The following PRKN variants were observed in gnomAD, a reference collection of about 807,000 sequenced individuals.
The protein encoded by PRKN is parkin RBR E3 ubiquitin protein ligase, also known as E3 ubiquitin-protein ligase parkin.
Under a neutral mutation model 59.5 loss-of-function variants are expected in PRKN, and 56 were observed. The observed-to-expected ratio is 0.94, with a 90% confidence interval of 0.76 to 1.18. The LOEUF is 1.18. PRKN is among the 50% of genes most tolerant of loss of function. The probability of loss-of-function intolerance (pLI) is 0.00; values close to 1 mark genes in which losing one functional copy is unlikely to be tolerated. For synonymous variants in PRKN, 250 were observed against 222.1 expected (o/e 1.13, Z -1.12); for missense variants, 657 against 596.4 (o/e 1.10, Z -1.06).
chr6:162,123,803 AT>A (rs1426414875), intron 4 of PRKN, among the ~76,000 whole-genome samples: 11 of 152,312 alleles, frequency 7.2e-5, no homozygotes, highest in African/African-American at 2.6e-4. Flanking sequence ...GTCAATATGA[AT>A]TACTTAACTA....
intron 1 of PRKN, among the ~76,000 whole-genome samples, chr6:162,465,891 C>T (rs1156688764): frequency 2.0e-5 from 3 of 152,164 alleles, no homozygotes; most frequent in Admixed American, 2.0e-4. Context: ...ACATCTCACA[C>T]TCTCATGCTA....
chr6:162,450,175 CA>C (rs1048689819), intron 1 of PRKN, among the ~76,000 whole-genome samples: 6 of 152,176 alleles, frequency 3.9e-5, no homozygotes, highest in African/African-American at 7.2e-5. Flanking sequence ...TTATCAGACT[CA>C]AAGTTGCTCA....
intron 9 of PRKN, among the ~76,000 whole-genome samples, chr6:161,516,204 T>G (rs951828795): frequency 6.6e-6 from 1 of 151,792 alleles, no homozygotes; most frequent in African/African-American, 2.4e-5. Context: ...TCCCAGCACT[T>G]TGGGAGGCTG....
At chr6:161,694,127 TAAC>T (rs917376152) in intron 7 of PRKN, among the ~76,000 whole-genome samples, 2 of 152,218 alleles carry the variant, frequency 1.3e-5, no homozygotes, top group African/African-American at 4.8e-5. Flanking sequence ...CCTTTGCATT[TAAC>T]AACAACACAA....
intron 1 of PRKN, among the ~76,000 whole-genome samples, chr6:162,626,517 C>G (rs1782902194): frequency 1.3e-5 from 2 of 152,012 alleles, no homozygotes; most frequent in Admixed American, 1.3e-4. Flanking sequence ...AAAAAACTAT[C>G]TGGATATGGT....
At chr6:162,354,918 G>T (rs1784782991) in intron 2 of PRKN, among the ~76,000 whole-genome samples, 1 of 150,576 alleles carries the variant, frequency 6.6e-6, no homozygotes. Flanking sequence ...CATATGAAAG[G>T]TTTTTTTTTA....
intron 7 of PRKN, among the ~76,000 whole-genome samples, chr6:161,753,282 G>A (rs541861947): frequency 1.6e-4 from 25 of 152,134 alleles, no homozygotes; most frequent in Non-Finnish European, 3.1e-4. Flanking sequence ...AGCCACCACC[G>A]AGGGAGAAGG....
chr6:161,414,420 C>T lies in PRKN; in HGVS notation c.1084-27543G>A, dbSNP rs1787745518. Among the ~76,000 whole-genome samples, 2 of 152,214 alleles carry T rather than the reference C, an allele frequency of 1.3e-5. No homozygotes were observed. The highest frequency in any genetic ancestry group is 1.3e-4 in the Admixed American group (2 of 15,288). ...GTTTCTGCCTGAGACAGTCCTTGGC[C>T]TCCAGCCACGGCTTCCGTGCCATGT... On this transcript the variant is annotated intron_variant, in intron 9 of 11. Transcript: ENST00000366898. This position sits in a 1 kb window ranked among gnomAD's most constrained non-coding sequence, Gnocchi z 5.3.
At chr6:162,377,349 G>A (rs549403726) in intron 2 of PRKN, among the ~76,000 whole-genome samples, 175 of 152,294 alleles carry the variant, frequency 1.1e-3, no homozygotes, top group Non-Finnish European at 1.8e-3. Context: ...TCACTTCAGA[G>A]GACTGGCCAA....
At chr6:162,502,599 A>C (rs891725152) in intron 1 of PRKN, among the ~76,000 whole-genome samples, 7 of 151,866 alleles carry the variant, frequency 4.6e-5, no homozygotes, top group Non-Finnish European at 1.0e-4. Flanking sequence ...ATTACAATTC[A>C]TTATGGCTCA....
In PRKN at chr6:162,262,814, A is replaced by T. The variant is rs771854914; in HGVS notation, c.172-49T>A. ...AAAAAAAAAAAAAAAGGAAATGTCA[A>T]ACATGAAATGCGAGATAGAGTTTAA... On this transcript the variant is annotated intron_variant, in intron 2 of 11. Transcript: ENST00000366898. 49 of 1,594,870 alleles carry T rather than the reference A, an allele frequency of 3.1e-5. No individual in the cohort carries two copies. The East Asian group carries it at 1.1e-3, about 35-fold the overall frequency.
chr6:162,209,061 C>T (rs1042638412), intron 3 of PRKN, among the ~76,000 whole-genome samples: 3 of 152,132 alleles, frequency 2.0e-5, no homozygotes, highest in Non-Finnish European at 4.4e-5. Context: ...GACTGAAACA[C>T]CAAAAGCAAT....
At chr6:161,912,424 C>T (rs1490658667) in intron 6 of PRKN, among the ~76,000 whole-genome samples, 1 of 151,830 alleles carries the variant, frequency 6.6e-6, no homozygotes, top group Non-Finnish European at 1.5e-5. Context: ...CCCCCCCACC[C>T]TCGTGAATCT....
chr6:162,429,010 C>T (rs1322540404), intron 2 of PRKN, among the ~76,000 whole-genome samples: 1 of 152,178 alleles, frequency 6.6e-6, no homozygotes, highest in East Asian at 1.9e-4. Flanking sequence ...CAGTCCTCAG[C>T]CTATTTTAAT....
chr6:161,734,303 T>C (rs1787876955), intron 7 of PRKN, among the ~76,000 whole-genome samples: 1 of 152,234 alleles, frequency 6.6e-6, no homozygotes, highest in South Asian at 2.1e-4. Flanking sequence ...ATACAATGAA[T>C]GCTTTCACTC....
chr6:162,173,282 G>A lies in PRKN; in HGVS notation c.534+27849C>T, dbSNP rs117008143. Among the ~76,000 whole-genome samples, 518 of 152,258 alleles carry A rather than the reference G, an allele frequency of 3.4e-3. 4 individuals are homozygous for A. Among genetic ancestry groups the A allele is most frequent in the Middle Eastern group, 0.014 (4 of 294 alleles). On this transcript the variant is annotated intron_variant, in intron 4 of 11. Transcript: ENST00000366898. ...CCCAGATTCAGAACTCCCGTCTCAT[G>A]TCCTGATTGCTGTGCAGTCAGCATC... is the stretch of plus-strand genomic sequence containing the variant.
chr6:161,630,698 C>T (rs528379549), intron 7 of PRKN, among the ~76,000 whole-genome samples: 6 of 152,116 alleles, frequency 3.9e-5, no homozygotes, highest in African/African-American at 1.4e-4. Flanking sequence ...TTTCTCTTGT[C>T]ATCATCATCA....
At chr6:162,240,394 GCA>G (rs1778936628) in intron 3 of PRKN, among the ~76,000 whole-genome samples, 1 of 152,014 alleles carries the variant, frequency 6.6e-6, no homozygotes, top group African/African-American at 2.4e-5. Context: ...TGGACTGGCA[GCA>G]ATGTTTTTAC....
At chr6:161,836,257 A>G (rs1239265882) in intron 6 of PRKN, among the ~76,000 whole-genome samples, 1 of 152,150 alleles carries the variant, frequency 6.6e-6, no homozygotes, top group East Asian at 1.9e-4. Context: ...GGGTCCTGAG[A>G]GCCCTGCCAT....
Sources: gnomAD v4.1 joint callset for allele counts (sites outside exome capture counted in the v4.1 genomes callset) on GRCh38, gnomAD v4.1.1 for gene constraint, Gnocchi (gnomAD v3.1) non-coding constraint, MANE v1.5 for transcripts, NCBI Gene and HGNC (gene_info 2026-07-23, HGNC 2026-07-21) for gene names.